The following DAP variants were observed in gnomAD, a reference collection of about 807,000 sequenced individuals.
DAP encodes the protein death associated protein.
In DAP, 8 loss-of-function variants were observed where a neutral mutation model predicts 13.8. That is an observed-to-expected ratio of 0.58 (90% CI 0.34 to 1.05). The LOEUF is 1.05. Ranked by LOEUF, DAP falls within the 50% of genes least tolerant of loss-of-function variation. DAP has a pLI of 0.03. For missense variants in DAP, 106 were observed against 133.2 expected, an observed-to-expected ratio of 0.80 and a Z score of 1.01; for synonymous variants, 47 against 47.5, an observed-to-expected ratio of 0.99 and a Z score of 0.04.
intron 2 of DAP, among the ~76,000 whole-genome samples, chr5:10,692,330 G>A (rs1738327680): frequency 6.6e-6 from 1 of 152,216 alleles, no homozygotes; most frequent in African/African-American, 2.4e-5. Context: ...GAGGTGTAAA[G>A]CGATGCACTC....
intron 2 of DAP, among the ~76,000 whole-genome samples, chr5:10,701,449 G>A (rs894432755): frequency 3.3e-5 from 5 of 152,190 alleles, no homozygotes; most frequent in Non-Finnish European, 2.9e-5. Flanking sequence ...GTTCAGTAAC[G>A]GGGCTGAGAG....
chr5:10,681,113 G>C lies in DAP; in HGVS notation c.252C>G (p.Ala84=). Residue 84 remains alanine (A), a synonymous_variant, in exon 4 of 4, where the codon GCC becomes GCG. Transcript: ENST00000230895. ...TTGGGGAAGGATGCTTGTCCATGGA[G>C]GCATGCGGCTTCTGGTGAGCCACCT... ...AAQVAHQKPH[A]SMDKHPSPRT... 1.3e-6 allele frequency: 2 copies of C among 1,569,530 alleles called. No individual in the cohort carries two copies. Among genetic ancestry groups the C allele is most frequent in the Non-Finnish European group, 1.7e-6 (2 of 1,158,824 alleles).
chr5:10,746,803 G>A (rs1180668897), intron 2 of DAP, among the ~76,000 whole-genome samples: 2 of 152,166 alleles, frequency 1.3e-5, no homozygotes, highest in Non-Finnish European at 2.9e-5. Context: ...ACTGTATCAG[G>A]TTTTATAGAC....
chr5:10,745,060 A>G (rs1739866054), intron 2 of DAP, among the ~76,000 whole-genome samples: 1 of 152,256 alleles, frequency 6.6e-6, no homozygotes, highest in Non-Finnish European at 1.5e-5. Context: ...CAGAGCAGTT[A>G]GAACAGAGCC....
chr5:10,703,408 G>C (rs191754795), intron 2 of DAP, among the ~76,000 whole-genome samples: 20 of 152,246 alleles, frequency 1.3e-4, no homozygotes, highest in African/African-American at 4.6e-4. Flanking sequence ...GCACAGGCAG[G>C]GGGGGTGTCA....
intron 2 of DAP, among the ~76,000 whole-genome samples, chr5:10,719,802 T>C (rs534902074): frequency 1.4e-3 from 219 of 152,318 alleles, no homozygotes; most frequent in Non-Finnish European, 2.7e-3. Flanking sequence ...CCTGCACTGA[T>C]GGCCTCATGA....
At chr5:10,683,106 G>T (rs532392165) in intron 3 of DAP, 1 of 247,456 alleles carries the variant, frequency 4.0e-6, no homozygotes, top group Non-Finnish European at 7.8e-6. Context: ...TGGCTGGCAG[G>T]TTGGCTGGCT....
intron 1 of DAP, among the ~76,000 whole-genome samples, chr5:10,760,671 C>G (rs898580283): frequency 8.5e-5 from 13 of 152,242 alleles, no homozygotes; most frequent in Non-Finnish European, 1.9e-4. Context: ...ACATCTGTAT[C>G]CTCTAAGTAA....
chr5:10,755,293 G>A (rs558040099), intron 1 of DAP, among the ~76,000 whole-genome samples: 5 of 152,180 alleles, frequency 3.3e-5, no homozygotes, highest in Admixed American at 6.5e-5. Context: ...GATTCTCCCC[G>A]ATCCTCCAGA....
At chr5:10,724,779 T>C (rs1268344183) in intron 2 of DAP, among the ~76,000 whole-genome samples, 1 of 152,134 alleles carries the variant, frequency 6.6e-6, no homozygotes, top group Non-Finnish European at 1.5e-5. Context: ...CCCTAATGGA[T>C]GAGGGCTCCA....
At chr5:10,683,889 C>T (rs530977005) in intron 2 of DAP, among the ~76,000 whole-genome samples, 31 of 152,154 alleles carry the variant, frequency 2.0e-4, no homozygotes, top group South Asian at 6.2e-4. Context: ...TGCAGAGGCA[C>T]GATCATAGCT....
intron 2 of DAP, among the ~76,000 whole-genome samples, chr5:10,717,340 T>G (rs55665804): frequency 0.092 from 14,046 of 152,228 alleles, 893 homozygotes; most frequent in African/African-American, 0.18. Context: ...AACAAAAGGT[T>G]CGTGCACAGC....
chr5:10,732,802 G>T (rs1485969043), intron 2 of DAP, among the ~76,000 whole-genome samples: 6 of 152,136 alleles, frequency 3.9e-5, no homozygotes, highest in Non-Finnish European at 8.8e-5. Flanking sequence ...TTTTATTATG[G>T]TTAAAACACT....
chr5:10,760,101 A>C (rs1449016509), intron 1 of DAP, among the ~76,000 whole-genome samples: 2 of 152,140 alleles, frequency 1.3e-5, no homozygotes, highest in Admixed American at 1.3e-4. Context: ...CCACCAAAAG[A>C]AGCCATGTTT....
chr5:10,720,070 A>G (rs531756230), intron 2 of DAP, among the ~76,000 whole-genome samples: 55 of 152,334 alleles, frequency 3.6e-4, no homozygotes, highest in African/African-American at 1.3e-3. Context: ...GGCTGCAGCC[A>G]ATGGTTTGGC....
intron 2 of DAP, among the ~76,000 whole-genome samples, chr5:10,713,755 G>T (rs1418158616): frequency 1.3e-5 from 2 of 152,252 alleles, no homozygotes; most frequent in Non-Finnish European, 2.9e-5. Flanking sequence ...GGGGAAGCGG[G>T]GCTGGGCAAG....
At chr5:10,709,170 T>C (rs1230577670) in intron 2 of DAP, among the ~76,000 whole-genome samples, 1 of 152,258 alleles carries the variant, frequency 6.6e-6, no homozygotes, top group African/African-American at 2.4e-5. Context: ...AAAAAGCACA[T>C]CTGACTACCA....
chr5:10,686,672 G>A (rs1159501408), intron 2 of DAP, among the ~76,000 whole-genome samples: 1 of 152,212 alleles, frequency 6.6e-6, no homozygotes, highest in African/African-American at 2.4e-5. Context: ...CAGAAGAAAA[G>A]ATGGAAACTA....
chr5:10,710,715 C>T (rs994806950), intron 2 of DAP, among the ~76,000 whole-genome samples: 2 of 152,204 alleles, frequency 1.3e-5, no homozygotes, highest in Non-Finnish European at 2.9e-5. Context: ...ACAGGGCAAG[C>T]AGGCTGGGAG....
Sources: allele counts gnomAD v4.1 joint callset (sites outside exome capture counted in the v4.1 genomes callset), GRCh38; gene constraint gnomAD v4.1.1; transcripts MANE v1.5; gene names NCBI Gene and HGNC (gene_info 2026-07-23, HGNC 2026-07-21).